The following NCS1 variants were observed in gnomAD, a reference collection of about 807,000 sequenced individuals.
NCS1 encodes frequenin homolog.
In NCS1, 6 loss-of-function variants were observed where a neutral mutation model predicts 28.4. The observed-to-expected ratio is 0.21, with a 90% CI of 0.12 to 0.42. NCS1 has a LOEUF of 0.42. NCS1 is among the 10% of genes least tolerant of loss of function. The probability of loss-of-function intolerance (pLI) is 1.00; values close to 1 mark genes in which losing one functional copy is unlikely to be tolerated. For missense variants in NCS1, 131 were observed against 241.4 expected, an observed-to-expected ratio of 0.54 and a Z score of 3.03; for synonymous variants, 86 against 99.3, an observed-to-expected ratio of 0.87 and a Z score of 0.79.
chr9:130,187,677 C>G (rs1832757151), intron 1 of NCS1, among the ~76,000 whole-genome samples: 1 of 152,226 alleles, frequency 6.6e-6, no homozygotes, highest in African/African-American at 2.4e-5. Context: ...GTTGCCCAGT[C>G]TCTGCGTCCC....
chr9:130,228,966 G>T (rs1833457707), intron 7 of NCS1, among the ~76,000 whole-genome samples: 1 of 151,920 alleles, frequency 6.6e-6, no homozygotes, highest in Admixed American at 6.6e-5. Flanking sequence ...CACCATGCCT[G>T]GCCAGGCCTA....
rs1409597124 is a variant in NCS1, at chr9:130,177,443, G to A, written c.64+4716G>A. On this transcript the variant is annotated intron_variant, in intron 1 of 7. Transcript: ENST00000372398. This position sits in a 1 kb window ranked among gnomAD's most constrained non-coding sequence, Gnocchi z 4.4. The stretch of plus-strand genomic sequence containing the variant: ...TGGAGGGCCCACAGCCAGGCACAGG[G>A]TGAGCCACAAGGAGAGGAAAGGACC... 6.6e-6 allele frequency among the ~76,000 whole-genome samples: 1 copy of A among 152,126 alleles called. No individual in the cohort carries two copies. Among genetic ancestry groups the A allele is most frequent in the Non-Finnish European group, 1.5e-5 (1 of 67,996 alleles).
At position 130,232,694 on chromosome 9, in the gene NCS1, G is replaced by C. The variant is rs898765091; in HGVS notation, c.*18-296G>C. On this transcript the variant is annotated intron_variant, in intron 7 of 7. Transcript: ENST00000372398. This position sits in a 1 kb window ranked among gnomAD's most constrained non-coding sequence, Gnocchi z 4.4. The stretch of plus-strand genomic sequence containing the variant: ...CCAGCTACTTGGGAGGCTGAGGCAG[G>C]AGAATCGCTTGAACCCAAGAGGTGG... 3.9e-5 allele frequency among the ~76,000 whole-genome samples: 6 copies of C among 152,182 alleles called. No individual in the cohort carries two copies. Among genetic ancestry groups the C allele is most frequent in the Admixed American group, 6.5e-5 (1 of 15,272 alleles).
chr9:130,187,338 C>G (rs1278077202), intron 1 of NCS1, among the ~76,000 whole-genome samples: 1 of 152,112 alleles, frequency 6.6e-6, no homozygotes, highest in Non-Finnish European at 1.5e-5. Flanking sequence ...TGACAAGGAC[C>G]CTGATGAGTC....
chr9:130,203,482 T>G (rs1482003699), intron 2 of NCS1, among the ~76,000 whole-genome samples: 1 of 152,092 alleles, frequency 6.6e-6, no homozygotes, highest in Non-Finnish European at 1.5e-5. Flanking sequence ...AAGCTCAGCA[T>G]CTCCCAAGGA....
intron 6 of NCS1, 149 bp downstream of exon 6, chr9:130,223,308 G>A: frequency 1.5e-6 from 1 of 681,162 alleles, no homozygotes; most frequent in Non-Finnish European, 2.6e-6. Context: ...CTGCTCAGCA[G>A]CTAGCCCCAT....
Position 130,192,891 on chromosome 9 carries a change from G to C in NCS1, c.65-8067G>C, listed in dbSNP as rs2131128433. ...TCTTTTCTGTCCTCCCCACCTCCCAGTGTGCGGTACTCCATGGTTGGCACA... is the reference window on the plus strand; with the variant it reads ...TCTTTTCTGTCCTCCCCACCTCCCACTGTGCGGTACTCCATGGTTGGCACA... On this transcript the variant is annotated intron_variant, in intron 1 of 7. Transcript: ENST00000372398. The surrounding 1 kb of genome is among the most constrained non-coding windows in gnomAD (Gnocchi z 4.8). 6.6e-6 allele frequency among the ~76,000 whole-genome samples: 1 copy of C among 152,296 alleles called. No homozygotes were observed. The highest frequency in any genetic ancestry group is 1.5e-5 in the Non-Finnish European group (1 of 68,016).
At position 130,226,448 on chromosome 9, in the gene NCS1, C is replaced by T; in HGVS notation, c.534C>T (p.Ser178=). 1 of 1,614,122 alleles carries T rather than the reference C, an allele frequency of 6.2e-7. No homozygotes were observed. The highest frequency in any genetic ancestry group is 8.5e-7 in the Non-Finnish European group (1 of 1,179,988). ...AGGAGGGTTCCAAGGCAGACCCGTC[C>T]ATTGTGCAGGCGCTGTCCCTCTACG... ...EFQEGSKADP[S]IVQALSLYDG... The change falls in exon 7 of 8, where the codon TCC becomes TCT. Residue 178 remains serine, a synonymous_variant. Transcript: ENST00000372398. This position sits in a 1 kb window ranked among gnomAD's most constrained non-coding sequence, Gnocchi z 4.8.
intron 1 of NCS1, among the ~76,000 whole-genome samples, chr9:130,173,019 C>G (rs1832508654): frequency 6.6e-6 from 1 of 152,146 alleles, no homozygotes; most frequent in South Asian, 2.1e-4. Context: ...CCCCTCTCCG[C>G]AGAGCTGTCC....
chr9:130,203,137 T>TATA (rs1491343446), intron 2 of NCS1, among the ~76,000 whole-genome samples: 6,550 of 32,488 alleles, frequency 0.2, 208 homozygotes, highest in Middle Eastern at 0.36. Flanking sequence ...TATATATATA[T>TATA]TTTTTTTTTT....
At chr9:130,218,145 C>T (rs1833215781) in intron 3 of NCS1, among the ~76,000 whole-genome samples, 175 bp downstream of exon 3, 1 of 152,222 alleles carries the variant, frequency 6.6e-6, no homozygotes, top group Non-Finnish European at 1.5e-5. Flanking sequence ...CACATGTACA[C>T]ATGCAGACAC....
At chr9:130,213,537 C>T (rs928786277) in intron 2 of NCS1, among the ~76,000 whole-genome samples, 2 of 151,920 alleles carry the variant, frequency 1.3e-5, no homozygotes, top group African/African-American at 4.8e-5. Context: ...TCTCAGCCTC[C>T]CAAAGTGCTG....
rs10988633 is a variant in NCS1 at position 130,191,814 on chromosome 9, C to T, written c.65-9144C>T. Among the ~76,000 whole-genome samples the T allele has an allele frequency of 0.015, 2,344 of 152,322 alleles. 161 individuals carry two copies. The East Asian group carries it at 0.2, about 13-fold the overall frequency. On this transcript the variant is annotated intron_variant, in intron 1 of 7. Transcript: ENST00000372398. This position sits in a 1 kb window ranked among gnomAD's most constrained non-coding sequence, Gnocchi z 6.4. ...GGCAGCGAGCAGAGCAGACGGGGCCCGCCCACCTTTCCTGCCAGCCGCTGT... is the reference window on the plus strand; with the variant it reads ...GGCAGCGAGCAGAGCAGACGGGGCCTGCCCACCTTTCCTGCCAGCCGCTGT...
At chr9:130,201,131 G>T in intron 2 of NCS1, 149 bp downstream of exon 2, 1 of 1,120,896 alleles carries the variant, frequency 8.9e-7, no homozygotes. Context: ...TTTGTTCAGT[G>T]GCCTTTGTCC....
intron 3 of NCS1, among the ~76,000 whole-genome samples, chr9:130,218,895 A>G (rs2131151591): frequency 6.6e-6 from 1 of 152,218 alleles, no homozygotes; most frequent in Middle Eastern, 3.4e-3. Context: ...CCGGCCATAC[A>G]TGGATTATTT....
At position 130,215,130 on chromosome 9, in the gene NCS1, A is replaced by G. The variant is rs1490032885; in HGVS notation, c.90-2702A>G. On this transcript the variant is annotated intron_variant, in intron 2 of 7. Transcript: ENST00000372398. This position sits in a 1 kb window ranked among gnomAD's most constrained non-coding sequence, Gnocchi z 4.2. ...AGGTTTGCACGAAGAAGAAGTAACC[A>G]TCTGACATCCAGAGATGTCTGGTGA... 6.6e-6 allele frequency among the ~76,000 whole-genome samples: 1 copy of G among 152,256 alleles called. No homozygotes were observed. The highest frequency in any genetic ancestry group is 2.4e-5 in the African/African-American group (1 of 41,476).
intron 4 of NCS1, among the ~76,000 whole-genome samples, chr9:130,220,265 TACTC>T (rs782155704): frequency 2.0e-5 from 3 of 152,208 alleles, no homozygotes; most frequent in South Asian, 2.1e-4. Context: ...GTCATTCACT[TACTC>T]ACTCATTCAT....
intron 4 of NCS1, among the ~76,000 whole-genome samples, chr9:130,222,209 C>T (rs1833339820): frequency 6.6e-6 from 1 of 150,416 alleles, no homozygotes; most frequent in South Asian, 2.1e-4. Context: ...GGCTGGAGTG[C>T]AGTGGCTTGA....
At chr9:130,200,890 G>T in intron 1 of NCS1, 68 bp from the exon 2 acceptor site, 3 of 1,603,612 alleles carry the variant, frequency 1.9e-6, no homozygotes, top group South Asian at 2.2e-5. Flanking sequence ...GCCCCCCAGC[G>T]AATGTCTGCC....
Sources: gnomAD v4.1 joint callset for allele counts (sites outside exome capture counted in the v4.1 genomes callset) on GRCh38, gnomAD v4.1.1 for gene constraint, Gnocchi (gnomAD v3.1) non-coding constraint, MANE v1.5 for transcripts, NCBI Gene and HGNC (gene_info 2026-07-23, HGNC 2026-07-21) for gene names.